Variants in SYBU observed in about 807,000 individuals in gnomAD.
The protein encoded by SYBU is GOLSYN A protein.
A neutral mutation model predicts 35.9 loss-of-function variants in SYBU; 21 were observed. The ratio of observed to expected loss-of-function variants is 0.58; its 90% CI spans 0.41 to 0.84. The LOEUF is 0.84. Ranked by LOEUF, SYBU falls within the 40% of genes least tolerant of loss-of-function variation. The pLI, the probability that SYBU is intolerant of heterozygous loss-of-function variation, is 0.00. For synonymous variants in SYBU, 319 were observed against 324.3 expected (o/e 0.98, Z 0.18); for missense variants, 768 against 848.2 (o/e 0.91, Z 1.17).
intron 3 of SYBU, among the ~76,000 whole-genome samples, chr8:109,590,801 G>C (rs180870030): frequency 9.3e-4 from 137 of 147,850 alleles, no homozygotes; most frequent in Non-Finnish European, 1.5e-3. Context: ...AATGGGCCAA[G>C]GACATATTAG....
intron 1 of SYBU, among the ~76,000 whole-genome samples, chr8:109,651,985 A>G (rs1816162102): frequency 6.6e-6 from 1 of 151,878 alleles, no homozygotes; most frequent in Non-Finnish European, 1.5e-5. Flanking sequence ...CCTATCACTC[A>G]TTCATTCATT....
chr8:109,634,137 A>G (rs1813943703), intron 2 of SYBU, among the ~76,000 whole-genome samples: 1 of 152,158 alleles, frequency 6.6e-6, no homozygotes, highest in Non-Finnish European at 1.5e-5. Flanking sequence ...TGCTCCCTAA[A>G]TATTCCCTGA....
chr8:109,588,343 T>C (rs908580313), intron 3 of SYBU, among the ~76,000 whole-genome samples: 1 of 152,226 alleles, frequency 6.6e-6, no homozygotes, highest in Non-Finnish European at 1.5e-5. Flanking sequence ...CTTTGTTCTA[T>C]ATTTTATTGC....
chr8:109,662,048 A>G (rs1221959557), intron 1 of SYBU, among the ~76,000 whole-genome samples: 1 of 152,192 alleles, frequency 6.6e-6, no homozygotes, highest in African/African-American at 2.4e-5. Flanking sequence ...GTCATTTTTA[A>G]AATTCTCCCC....
Position 109,651,349 on chromosome 8 carries a change from G to A in SYBU, c.-129+29362C>T, listed in dbSNP as rs138918663. ...ACCTAATTCAGGGAAGCACTGGAAA[G>A]TGAAATGAGTTTCCCAAGTCTGGAA... On this transcript the variant is annotated intron_variant, in intron 1 of 5. Coordinates refer to the SYBU transcript ENST00000408889. 5.0e-3 allele frequency among the ~76,000 whole-genome samples: 765 copies of A among 151,524 alleles called. 26 individuals are homozygous for A. The highest frequency in any genetic ancestry group is 0.046 in the Admixed American group (700 of 15,234).
intron 1 of SYBU, among the ~76,000 whole-genome samples, chr8:109,654,544 C>T (rs1816279084): frequency 6.6e-6 from 1 of 152,204 alleles, no homozygotes; most frequent in Non-Finnish European, 1.5e-5. Flanking sequence ...TTCATCCATC[C>T]TTCCCTCTTG....
Position 109,599,681 on chromosome 8 carries a change from G to T in SYBU, c.428-13519C>A, listed in dbSNP as rs183889424. Among the ~76,000 whole-genome samples the T allele has an allele frequency of 3.4e-3, 523 of 152,288 alleles. 4 individuals are homozygous for T. The highest frequency in any genetic ancestry group is 0.012 in the African/African-American group (478 of 41,554). On this transcript the variant is annotated intron_variant, in intron 3 of 6. Transcript: ENST00000276646. Reference sequence around the variant, plus strand: ...AAACAGCATCACACTGTGCCCAGCTGCTCCTTGTGGCCCTGAGCAGTTTGT... The same window carrying T: ...AAACAGCATCACACTGTGCCCAGCTTCTCCTTGTGGCCCTGAGCAGTTTGT...
chr8:109,574,177 T>G lies in SYBU; in HGVS notation c.*729A>C. 6.6e-6 allele frequency: 1 copy of G among 152,360 alleles called. No homozygotes were observed. Among genetic ancestry groups the G allele is most frequent in the East Asian group, 1.9e-4 (1 of 5,202 alleles). 9.4% of individuals were successfully genotyped at this position (152,360 alleles called of 1,614,324 possible). A position where few individuals can be genotyped will look rare whatever the true frequency, so the allele number is the denominator to read the frequency against. ...ATAGAAGTAAAATCACAGAAATAAT[T>G]ATTATTTTATGGGAGGATAAAACAT... On this transcript the variant is annotated 3_prime_UTR_variant, in exon 7 of 7. Coordinates refer to ENST00000276646, the MANE Select transcript of SYBU (RefSeq NM_001099754.2).
chr8:109,589,573 C>T (rs1475124841), intron 3 of SYBU, among the ~76,000 whole-genome samples: 1 of 152,186 alleles, frequency 6.6e-6, no homozygotes, highest in African/African-American at 2.4e-5. Flanking sequence ...TGCCCAGTGG[C>T]CTCCAGAAGT....
In SYBU at chr8:109,602,804, C is replaced by T. The variant is rs540177779; in HGVS notation, c.427+16038G>A. On this transcript the variant is annotated intron_variant, in intron 3 of 6. Coordinates refer to ENST00000276646, the MANE Select transcript of SYBU (RefSeq NM_001099754.2). ...CTGGGTAAATTCTGGCAATTTCTGG[C>T]ATCTGTAGGGAGTGTGAGAACAAAA... Among the ~76,000 whole-genome samples the T allele has an allele frequency of 3.9e-5, 6 of 152,212 alleles. No individual in the cohort carries two copies. The East Asian group carries it at 1.2e-3, about 29-fold the overall frequency.
chr8:109,649,719 A>C (rs1816038378), upstream of SYBU, among the ~76,000 whole-genome samples: 1 of 152,212 alleles, frequency 6.6e-6, no homozygotes, highest in African/African-American at 2.4e-5. Flanking sequence ...ATAGGGTAGG[A>C]TATTTGTCAA....
chr8:109,625,152 G>A (rs147772443), intron 2 of SYBU, among the ~76,000 whole-genome samples: 1 of 152,118 alleles, frequency 6.6e-6, no homozygotes, highest in East Asian at 1.9e-4. Flanking sequence ...AAAAAGTTAT[G>A]CATGCTGAGG....
At position 109,590,549 on chromosome 8, in the gene SYBU, A is replaced by AAC. The variant is rs548155620; in HGVS notation, c.428-4389_428-4388dup. ...GACGGAGCTGCCATATACTTAAAAT[A>AAC]ACACACACACACACATAAACAGCTA... On this transcript the variant is annotated intron_variant, in intron 3 of 6. Transcript: ENST00000276646. 1.6e-4 allele frequency among the ~76,000 whole-genome samples: 25 copies of AAC among 151,546 alleles called. No homozygotes were observed. In the East Asian group the frequency reaches 2.3e-3, roughly 14 times the overall value.
chr8:109,651,004 G>T (rs1207320857), intron 1 of SYBU, among the ~76,000 whole-genome samples: 1 of 152,116 alleles, frequency 6.6e-6, no homozygotes. Flanking sequence ...ATTCTAAGTG[G>T]CATATGGCAA....
chr8:109,668,136 G>T (rs1158706864), intron 1 of SYBU, among the ~76,000 whole-genome samples: 2 of 125,888 alleles, frequency 1.6e-5, no homozygotes, highest in East Asian at 5.1e-4. Flanking sequence ...AGGGAGGGGG[G>T]AAGGAAGAAG....
chr8:109,578,378 C>A (rs530273945), intron 5 of SYBU, among the ~76,000 whole-genome samples: 2 of 152,144 alleles, frequency 1.3e-5, no homozygotes, highest in Non-Finnish European at 2.9e-5. Flanking sequence ...CAGTATGTAG[C>A]CCATGGTTCT....
intron 1 of SYBU, among the ~76,000 whole-genome samples, chr8:109,661,293 A>T (rs1816551247): frequency 6.6e-6 from 1 of 152,236 alleles, no homozygotes; most frequent in Non-Finnish European, 1.5e-5. Context: ...CAGCTAAAGA[A>T]ACTATTGGAC....
At chr8:109,665,144 T>C (rs1385966462) in intron 1 of SYBU, among the ~76,000 whole-genome samples, 2 of 152,224 alleles carry the variant, frequency 1.3e-5, no homozygotes, top group East Asian at 3.8e-4. Context: ...ATCAAAAAAG[T>C]AAAAAGCAAC....
chr8:109,613,141 C>A (rs970091138), intron 3 of SYBU, among the ~76,000 whole-genome samples: 3 of 152,124 alleles, frequency 2.0e-5, no homozygotes, highest in Non-Finnish European at 4.4e-5. Context: ...TCCTGTCTGT[C>A]CTCCTAGAGC....
Sources: allele counts gnomAD v4.1 joint callset (sites outside exome capture counted in the v4.1 genomes callset), GRCh38; gene constraint gnomAD v4.1.1; transcripts MANE v1.5; gene names NCBI Gene and HGNC (gene_info 2026-07-23, HGNC 2026-07-21).